KLHL2: variants seen among roughly 807,000 people sequenced by gnomAD.
The protein encoded by KLHL2 is kelch like family member 2.
A neutral mutation model predicts 75.8 loss-of-function variants in KLHL2; 15 were observed. That is an observed-to-expected ratio of 0.20 (90% CI 0.13 to 0.30). The LOEUF (loss-of-function observed/expected upper bound fraction) is 0.30, where lower values mean the gene tolerates loss of function less well. Among genes scored for constraint, KLHL2 ranks in the 10% least tolerant of loss-of-function variants. The probability of loss-of-function intolerance (pLI) is 1.00; values close to 1 mark genes in which losing one functional copy is unlikely to be tolerated. For synonymous variants in KLHL2, 214 were observed against 251.9 expected, an observed-to-expected ratio of 0.85 and a Z score of 1.42; for missense variants, 381 against 741.0, an observed-to-expected ratio of 0.51 and a Z score of 5.64.
At chr4:165,215,979 C>T (rs1056586091) in intron 1 of KLHL2, among the ~76,000 whole-genome samples, 1 of 152,016 alleles carries the variant, frequency 6.6e-6, no homozygotes, top group Non-Finnish European at 1.5e-5. Context: ...GAAAAAATTG[C>T]TTGGGTGATT....
At chr4:165,306,469 T>C (rs1296755594) in intron 9 of KLHL2, among the ~76,000 whole-genome samples, 2 of 152,228 alleles carry the variant, frequency 1.3e-5, no homozygotes, top group African/African-American at 4.8e-5. Flanking sequence ...TATACATACA[T>C]CATTGTGTAC....
At chr4:165,295,966 A>G (rs1423909794) in intron 6 of KLHL2, among the ~76,000 whole-genome samples, 2 of 152,254 alleles carry the variant, frequency 1.3e-5, no homozygotes, top group Admixed American at 6.5e-5. Context: ...TAGAAATATC[A>G]TGAGGGCTGT....
intron 8 of KLHL2, among the ~76,000 whole-genome samples, chr4:165,301,334 A>G (rs187507272): frequency 1.3e-4 from 20 of 152,348 alleles, no homozygotes; most frequent in African/African-American, 4.3e-4. Context: ...TCATCACTTA[A>G]CAAAGTGTAT....
intron 4 of KLHL2, among the ~76,000 whole-genome samples, chr4:165,239,654 A>G (rs754742833): frequency 1.1e-4 from 16 of 152,214 alleles, no homozygotes; most frequent in Non-Finnish European, 2.4e-4. Context: ...TTCTATAAAG[A>G]ACAAATGTTT....
At chr4:165,208,146 G>T (rs1260363668) in intron 1 of KLHL2, among the ~76,000 whole-genome samples, 1 of 152,028 alleles carries the variant, frequency 6.6e-6, no homozygotes, top group Non-Finnish European at 1.5e-5. Flanking sequence ...ATCTCGGGCG[G>T]ATAGAAGATT....
At chr4:165,209,470 G>C (rs1450466425) in intron 1 of KLHL2, 1 of 152,220 alleles carries the variant, frequency 6.6e-6, no homozygotes, top group African/African-American at 2.4e-5. Context: ...CAGGTGAAAA[G>C]AAGGGTGTGG....
chr4:165,294,508 C>CT (rs1179311734), intron 6 of KLHL2, 40 bp downstream of exon 6: 1 of 1,087,082 alleles, frequency 9.2e-7, no homozygotes. Flanking sequence ...AATGATGTTT[C>CT]CCTTTTTTTT....
intron 9 of KLHL2, among the ~76,000 whole-genome samples, chr4:165,308,726 T>A (rs1745921329): frequency 6.6e-6 from 1 of 152,204 alleles, no homozygotes; most frequent in South Asian, 2.1e-4. Flanking sequence ...AAAATTGCAA[T>A]GGGCAAGATT....
Position 165,322,134 on chromosome 4 carries a change from T to C in KLHL2, c.*74T>C, listed in dbSNP as rs1747031844. On this transcript the variant is annotated 3_prime_UTR_variant, in exon 15 of 15. Coordinates refer to ENST00000226725, the MANE Select transcript of KLHL2 (RefSeq NM_007246.4). ...CAAGTATTTGTGAAGTGACTGAGAA[T>C]CTAGCACTTCTCCACTTGTAGCTGC... 7.5e-7 allele frequency: 1 copy of C among 1,325,098 alleles called. No homozygotes were observed. Among genetic ancestry groups the C allele is most frequent in the African/African-American group, 1.4e-5 (1 of 69,274 alleles). The allele number at this position is 1,325,098 out of a possible 1,614,324, so 82.1% of individuals were successfully genotyped here.
chr4:165,268,097 A>G (rs1347385910), intron 5 of KLHL2, among the ~76,000 whole-genome samples: 1 of 152,170 alleles, frequency 6.6e-6, no homozygotes, highest in African/African-American at 2.4e-5. Flanking sequence ...GTTTATTTGC[A>G]TAGAGGAATT....
At chr4:165,218,841 A>G (rs1229150780) in intron 1 of KLHL2, among the ~76,000 whole-genome samples, 1 of 152,246 alleles carries the variant, frequency 6.6e-6, no homozygotes, top group Non-Finnish European at 1.5e-5. Flanking sequence ...TTGTTCTTTG[A>G]TATATATACA....
intron 8 of KLHL2, among the ~76,000 whole-genome samples, chr4:165,305,024 G>GATATCTAGCATC (rs1429432519): frequency 3.9e-5 from 6 of 152,134 alleles, no homozygotes; most frequent in African/African-American, 9.7e-5. Context: ...TCCATTACAT[G>GATATCTAGCATC]TCCTGTTAGG....
chr4:165,243,013 T>C (rs1298406564), intron 4 of KLHL2, among the ~76,000 whole-genome samples: 2 of 152,218 alleles, frequency 1.3e-5, no homozygotes, highest in Non-Finnish European at 2.9e-5. Flanking sequence ...AATAATTTGC[T>C]CAGCATCACA....
chr4:165,237,307 AT>A (rs1360070884), intron 3 of KLHL2, among the ~76,000 whole-genome samples: 1 of 149,036 alleles, frequency 6.7e-6, no homozygotes, highest in Non-Finnish European at 1.5e-5. Context: ...GGGGAAAAAC[AT>A]TTGCCGTAGC....
Position 165,207,681 on chromosome 4 carries a change from G to T in KLHL2, c.-196G>T, listed in dbSNP as rs529545669. The T allele has an allele frequency of 9.1e-4, 164 of 180,010 alleles. No homozygotes were observed. Among genetic ancestry groups the T allele is most frequent in the Non-Finnish European group, 1.5e-3 (135 of 91,072 alleles). 11.2% of individuals were successfully genotyped at this position (180,010 alleles called of 1,614,324 possible). On this transcript the variant is annotated 5_prime_UTR_variant, in exon 1 of 15. Transcript: ENST00000226725. The surrounding 1 kb of genome is among the most constrained non-coding windows in gnomAD (Gnocchi z 4.2). Reference sequence around the variant, plus strand: ...CGAGCGCGGGAGCCGCGCAGTAGACGGAGCGCGCCCGGCCGAGCGGGCCAT... The same window carrying T: ...CGAGCGCGGGAGCCGCGCAGTAGACTGAGCGCGCCCGGCCGAGCGGGCCAT...
chr4:165,252,385 G>A (rs1740809171), intron 4 of KLHL2, among the ~76,000 whole-genome samples: 1 of 151,836 alleles, frequency 6.6e-6, no homozygotes. Context: ...GTTCTGGCAT[G>A]TTTGGTTTGA....
chr4:165,278,233 T>C, intron 5 of KLHL2: 2 of 1,152,946 alleles, frequency 1.7e-6, no homozygotes, highest in Non-Finnish European at 2.6e-6. Context: ...CAAGACTCCA[T>C]ACGTCGACTC....
chr4:165,313,721 T>C (rs1298261083), intron 12 of KLHL2, among the ~76,000 whole-genome samples: 1 of 152,154 alleles, frequency 6.6e-6, no homozygotes, highest in African/African-American at 2.4e-5. Flanking sequence ...TATTTTACTA[T>C]GGATATTGTT....
chr4:165,263,802 A>ATTTTTT lies in KLHL2; in HGVS notation c.544+445_544+446insTTTTTT, dbSNP rs1313576886. 6.4e-5 allele frequency among the ~76,000 whole-genome samples: 6 copies of ATTTTTT among 93,554 alleles called. 1 individual carries two copies. The highest frequency in any genetic ancestry group is 9.3e-5 in the Non-Finnish European group (4 of 43,128). 61.4% of individuals were successfully genotyped at this position (93,554 alleles called of 152,430 possible). A position where few individuals can be genotyped will look rare whatever the true frequency, so the allele number is the denominator to read the frequency against. ...AGTTATTTTAGCTCTGATTTTTTAC[A>ATTTTTT]TTGTTTTTTTTTTTTTTTTTTTTTT... On this transcript the variant is annotated intron_variant, in intron 5 of 14. Transcript: ENST00000226725.
Sources: gnomAD v4.1 joint callset for allele counts (sites outside exome capture counted in the v4.1 genomes callset) on GRCh38, gnomAD v4.1.1 for gene constraint, Gnocchi (gnomAD v3.1) non-coding constraint, MANE v1.5 for transcripts, NCBI Gene and HGNC (gene_info 2026-07-23, HGNC 2026-07-21) for gene names.